Variants in INPP4B observed in about 807,000 individuals in gnomAD.
INPP4B encodes the protein inositol polyphosphate 4-phosphatase type II.
A neutral mutation model predicts 122.5 loss-of-function variants in INPP4B; 55 were observed. That is an observed-to-expected ratio of 0.45 (90% CI 0.36 to 0.56). The LOEUF (loss-of-function observed/expected upper bound fraction) is 0.56. Among genes scored for constraint, INPP4B ranks in the 20% least tolerant of loss-of-function variants. The pLI, the probability that INPP4B is intolerant of heterozygous loss-of-function variation, is 0.00. For missense variants in INPP4B, 1,000 were observed against 1,097.7 expected (o/e 0.91, Z 1.26); for synonymous variants, 403 against 388.7 (o/e 1.04, Z -0.43).
chr4:142,530,399 G>A (rs1330004664), intron 2 of INPP4B, among the ~76,000 whole-genome samples: 7 of 151,806 alleles, frequency 4.6e-5, no homozygotes, highest in Non-Finnish European at 8.8e-5. Flanking sequence ...GACACTATTC[G>A]TTAAGAACCA....
chr4:142,138,623 A>C (rs188129215), intron 18 of INPP4B, among the ~76,000 whole-genome samples: 32 of 152,292 alleles, frequency 2.1e-4, no homozygotes, highest in African/African-American at 6.0e-4. Flanking sequence ...CTTGAATTTG[A>C]ATCCTTGCTT....
chr4:142,446,147 T>G (rs1286548602), intron 3 of INPP4B, among the ~76,000 whole-genome samples: 1 of 151,890 alleles, frequency 6.6e-6, no homozygotes, highest in Non-Finnish European at 1.5e-5. Context: ...AAAAAAAATG[T>G]GTCATAAACA....
At chr4:142,205,283 T>C (rs1279820240) in intron 14 of INPP4B, among the ~76,000 whole-genome samples, 1 of 152,168 alleles carries the variant, frequency 6.6e-6, no homozygotes, top group Non-Finnish European at 1.5e-5. Context: ...TATGAATTCA[T>C]ATGTATGTGG....
chr4:142,637,038 T>C (rs978312999), intron 2 of INPP4B, among the ~76,000 whole-genome samples: 1 of 152,196 alleles, frequency 6.6e-6, no homozygotes, highest in African/African-American at 2.4e-5. Context: ...TCAATAAACT[T>C]TATTTTTTAA....
intron 11 of INPP4B, among the ~76,000 whole-genome samples, chr4:142,240,232 C>T (rs530602183): frequency 1.3e-5 from 2 of 151,384 alleles, no homozygotes; most frequent in African/African-American, 4.8e-5. Context: ...CAGGGTTTCA[C>T]CATTGTTACC....
chr4:142,572,720 A>G (rs757088334), intron 2 of INPP4B, among the ~76,000 whole-genome samples: 5 of 151,932 alleles, frequency 3.3e-5, no homozygotes, highest in African/African-American at 7.2e-5. Context: ...AGATCCTTAC[A>G]CTCTCAGTAC....
At chr4:142,118,906 G>A (rs1243721092) in intron 21 of INPP4B, among the ~76,000 whole-genome samples, 1 of 151,952 alleles carries the variant, frequency 6.6e-6, no homozygotes, top group African/African-American at 2.4e-5. Flanking sequence ...CTGACAAAGG[G>A]TTAATATCCA....
intron 18 of INPP4B, among the ~76,000 whole-genome samples, chr4:142,134,357 C>T (rs1215263965): frequency 6.6e-6 from 1 of 151,898 alleles, no homozygotes; most frequent in Non-Finnish European, 1.5e-5. Flanking sequence ...GCTCTGAGTC[C>T]CATGTTACTC....
intron 1 of INPP4B, among the ~76,000 whole-genome samples, chr4:142,778,065 A>G (rs1219479250): frequency 6.6e-6 from 1 of 152,198 alleles, no homozygotes; most frequent in Non-Finnish European, 1.5e-5. Flanking sequence ...AGATTTTACT[A>G]TTACACCATG....
At chr4:142,096,409 T>G (rs1310834995) in intron 23 of INPP4B, among the ~76,000 whole-genome samples, 1 of 152,154 alleles carries the variant, frequency 6.6e-6, no homozygotes, top group Non-Finnish European at 1.5e-5. Flanking sequence ...CATAGATCAA[T>G]GTCTGGTTGG....
intron 9 of INPP4B, among the ~76,000 whole-genome samples, chr4:142,291,859 T>C (rs574350232): frequency 3.2e-4 from 48 of 152,372 alleles, no homozygotes; most frequent in African/African-American, 1.1e-3. Flanking sequence ...TTCCTATCCA[T>C]GACTAGCATT....
intron 18 of INPP4B, among the ~76,000 whole-genome samples, chr4:142,136,061 T>A (rs756944982): frequency 2.6e-5 from 4 of 152,200 alleles, no homozygotes; most frequent in Non-Finnish European, 5.9e-5. Flanking sequence ...CCTCCCAAAG[T>A]GCTGGGATTA....
intron 2 of INPP4B, among the ~76,000 whole-genome samples, chr4:142,515,926 G>C (rs925621627): frequency 2.6e-5 from 4 of 152,140 alleles, no homozygotes; most frequent in Admixed American, 6.5e-5. Context: ...ATTGTTCTAA[G>C]TCAAAGATTC....
At chr4:142,558,723 A>G (rs551326386) in intron 2 of INPP4B, among the ~76,000 whole-genome samples, 6 of 142,480 alleles carry the variant, frequency 4.2e-5, no homozygotes, top group East Asian at 2.0e-4. Flanking sequence ...GGAAGCCTCA[A>G]TTCAGAGCTT....
In INPP4B at chr4:142,804,088, A is replaced by AATAAATAAATAAATAT. The variant is rs1554013065; in HGVS notation, c.-254+42120_-254+42121insATATTTATTTATTTAT. On this transcript the variant is annotated intron_variant, in intron 1 of 25. Coordinates refer to ENST00000262992, the MANE Select transcript of INPP4B (RefSeq NM_001101669.3). ...AAATAAATAAATAAATAAATAAATAAATAAATAAATAAAATCATAGCAAAC... is the reference window on the plus strand; with the variant it reads ...AAATAAATAAATAAATAAATAAATAAATAAATAAATAAATATATAAATAAATAAAATCATAGCAAAC... 2.5e-3 allele frequency among the ~76,000 whole-genome samples: 372 copies of AATAAATAAATAAATAT among 151,238 alleles called. 1 individual carries two copies. Among genetic ancestry groups the AATAAATAAATAAATAT allele is most frequent in the African/African-American group, 8.6e-3 (355 of 41,140 alleles).
chr4:142,242,804 A>G (rs1860145467), intron 11 of INPP4B, among the ~76,000 whole-genome samples: 1 of 152,108 alleles, frequency 6.6e-6, no homozygotes, highest in Non-Finnish European at 1.5e-5. Context: ...CCCCGTCTCT[A>G]TCTTGGTTCT....
intron 7 of INPP4B, among the ~76,000 whole-genome samples, chr4:142,365,278 G>A (rs944734369): frequency 1.3e-5 from 2 of 152,108 alleles, no homozygotes; most frequent in African/African-American, 4.8e-5. Flanking sequence ...AGCATTTCAT[G>A]TTTGATCCCC....
intron 7 of INPP4B, among the ~76,000 whole-genome samples, chr4:142,392,778 T>C (rs1048263676): frequency 6.6e-6 from 1 of 152,184 alleles, no homozygotes; most frequent in Non-Finnish European, 1.5e-5. Context: ...CAGAAAAGTA[T>C]CTGGGCAGCT....
chr4:142,235,543 T>A (rs1856339783), intron 12 of INPP4B, among the ~76,000 whole-genome samples: 1 of 152,134 alleles, frequency 6.6e-6, no homozygotes, highest in Non-Finnish European at 1.5e-5. Context: ...CGCCTCAGCC[T>A]CCCGAGTAGC....
Sources: allele counts gnomAD v4.1 joint callset (sites outside exome capture counted in the v4.1 genomes callset), GRCh38; gene constraint gnomAD v4.1.1; transcripts MANE v1.5; gene names NCBI Gene and HGNC (gene_info 2026-07-23, HGNC 2026-07-21).